Variants in TTBK2 observed in about 807,000 individuals in gnomAD.
TTBK2 encodes the protein tau tubulin kinase 2.
A neutral mutation model predicts 110.8 loss-of-function variants in TTBK2; 28 were observed. The observed-to-expected ratio is 0.25, with a 90% CI of 0.19 to 0.35. The LOEUF is 0.35. Ranked by LOEUF, TTBK2 falls within the 10% of genes least tolerant of loss-of-function variation. The pLI is 1.00. For missense variants in TTBK2, 1,369 were observed against 1,500.3 expected, an observed-to-expected ratio of 0.91 and a Z score of 1.45; for synonymous variants, 532 against 527.3, an observed-to-expected ratio of 1.01 and a Z score of -0.12.
intron 1 of TTBK2, among the ~76,000 whole-genome samples, chr15:42,899,729 C>A (rs1157980755): frequency 1.3e-5 from 2 of 150,810 alleles, no homozygotes; most frequent in African/African-American, 4.9e-5. Flanking sequence ...CAGAGCAAGA[C>A]TCCATACAAA....
chr15:42,852,907 A>G (rs2141054001), intron 3 of TTBK2, among the ~76,000 whole-genome samples: 1 of 152,364 alleles, frequency 6.6e-6, no homozygotes, highest in South Asian at 2.1e-4. Context: ...GTTAAAGGAT[A>G]GAATGAAGGG....
At chr15:42,904,652 G>A (rs1283867078) in intron 1 of TTBK2, among the ~76,000 whole-genome samples, 1 of 152,078 alleles carries the variant, frequency 6.6e-6, no homozygotes, top group Non-Finnish European at 1.5e-5. Context: ...GTGGTGAAAA[G>A]TCATTTGAAA....
Position 42,739,780 on chromosome 15 carries a change from G to A in TTBK2, c.*6015C>T, listed in dbSNP as rs577901694. The stretch of plus-strand genomic sequence containing the variant: ...CCCCTTCCTGGGTAGCTCCCTATAA[G>A]TCAAATTCAAGTTCTGGTAGCCTTG... On this transcript the variant is annotated 3_prime_UTR_variant, in exon 15 of 15. Transcript: ENST00000267890. 1.3e-3 allele frequency: 199 copies of A among 152,344 alleles called. 1 individual carries two copies. Among genetic ancestry groups the A allele is most frequent in the African/African-American group, 4.5e-3 (188 of 41,586 alleles). The allele number at this position is 152,344 out of a possible 1,614,324, so 9.4% of individuals were successfully genotyped here.
intron 10 of TTBK2, among the ~76,000 whole-genome samples, chr15:42,784,830 G>A (rs1890338706): frequency 6.6e-6 from 1 of 152,132 alleles, no homozygotes; most frequent in African/African-American, 2.4e-5. Flanking sequence ...TTTGGGAGCT[G>A]GCAGGCTCTG....
intron 6 of TTBK2, among the ~76,000 whole-genome samples, chr15:42,826,733 T>G (rs1892549948): frequency 6.6e-6 from 1 of 152,252 alleles, no homozygotes; most frequent in South Asian, 2.1e-4. Flanking sequence ...AACCTATTCT[T>G]ATTCTCGGGG....
At chr15:42,819,922 C>A (rs1892220347) in intron 6 of TTBK2, among the ~76,000 whole-genome samples, 2 of 152,130 alleles carry the variant, frequency 1.3e-5, no homozygotes, top group African/African-American at 4.8e-5. Context: ...GAATGAAAAT[C>A]TCCAGACTTA....
At chr15:42,802,329 C>A (rs762634769) in intron 9 of TTBK2, 2 of 771,286 alleles carry the variant, frequency 2.6e-6, no homozygotes. Flanking sequence ...CAGGCCCACT[C>A]GTGTAGGAGA....
At chr15:42,764,993 T>C (rs1471173049) in intron 13 of TTBK2, among the ~76,000 whole-genome samples, 1 of 152,170 alleles carries the variant, frequency 6.6e-6, no homozygotes, top group Admixed American at 6.5e-5. Flanking sequence ...GCAAACAGGG[T>C]CTGGAGTGGA....
At chr15:42,795,825 G>A (rs924373658) in intron 9 of TTBK2, among the ~76,000 whole-genome samples, 14 of 146,428 alleles carry the variant, frequency 9.6e-5, no homozygotes, top group South Asian at 2.2e-4. Flanking sequence ...CCTGGGTGAC[G>A]GAATGAGAAT....
At chr15:42,747,289 G>C (rs959713768) in intron 14 of TTBK2, among the ~76,000 whole-genome samples, 1 of 152,070 alleles carries the variant, frequency 6.6e-6, no homozygotes, top group African/African-American at 2.4e-5. Context: ...AGAATTCTTA[G>C]AGTATTCATA....
rs1194833598 is a variant in TTBK2, at chr15:42,828,000, T to C, written c.465A>G (p.Thr155=). 2.5e-6 allele frequency: 4 copies of C among 1,613,590 alleles called. No homozygotes were observed. Among genetic ancestry groups the C allele is most frequent in the Middle Eastern group, 1.7e-4 (1 of 6,056 alleles). ...AATCAAGCATGTAACATTTCCTACA[T>C]GTACTAGGAAAGCGACCCATAGCGA... ...SNFAMGRFPS[T]CRKCYMLDFG... is the part of the protein sequence containing the mutation. Residue 155 remains threonine, a synonymous_variant, in exon 6 of 15, where the codon ACA becomes ACG. Transcript: ENST00000267890.
intron 1 of TTBK2, among the ~76,000 whole-genome samples, chr15:42,900,182 G>A (rs1227109955): frequency 1.3e-5 from 2 of 151,266 alleles, no homozygotes; most frequent in East Asian, 2.0e-4. Flanking sequence ...TGGTCGAGAC[G>A]GGGTTTCACC....
chr15:42,790,902 G>C (rs1167984034), intron 10 of TTBK2, among the ~76,000 whole-genome samples: 1 of 151,906 alleles, frequency 6.6e-6, no homozygotes, highest in African/African-American at 2.4e-5. Context: ...TGTTTGTTTT[G>C]AGATGGAGTC....
At chr15:42,899,371 G>A (rs1359870029) in intron 1 of TTBK2, among the ~76,000 whole-genome samples, 2 of 151,972 alleles carry the variant, frequency 1.3e-5, no homozygotes, top group Middle Eastern at 3.2e-3. Context: ...CGGGGTAGGC[G>A]GATCACTTGA....
chr15:42,778,403 C>T (rs144300194), intron 11 of TTBK2, among the ~76,000 whole-genome samples: 98 of 152,106 alleles, frequency 6.4e-4, no homozygotes, highest in African/African-American at 2.2e-3. Context: ...TGGTGGCTCA[C>T]ATCTGTAACC....
At chr15:42,826,096 G>T (rs1892526465) in intron 6 of TTBK2, among the ~76,000 whole-genome samples, 1 of 151,954 alleles carries the variant, frequency 6.6e-6, no homozygotes, top group South Asian at 2.1e-4. Context: ...TACTTAGACA[G>T]TCCAAACAAC....
chr15:42,775,418 T>C lies in TTBK2; in HGVS notation c.1715A>G (p.His572Arg). Residue 572 changes from histidine (H) to arginine (R), a missense_variant, in exon 13 of 15, where the codon CAT (histidine) becomes CGT (arginine). By Grantham distance (29) the His-to-Arg change is conservative. Coordinates refer to ENST00000267890, the MANE Select transcript of TTBK2 (RefSeq NM_173500.4). ...QDFRTNEAVGHKTTGSPSDEE... is the reference protein window; with the variant it reads ...QDFRTNEAVGRKTTGSPSDEE... ...ATCAGAAGGACTTCCAGTTGTTTTA[T>C]GTCCTACAGCCTCATTTGTCCTAAA... 6.2e-7 allele frequency: 1 copy of C among 1,614,258 alleles called. No homozygotes were observed. The highest frequency in any genetic ancestry group is 8.5e-7 in the Non-Finnish European group (1 of 1,180,042).
intron 8 of TTBK2, 124 bp downstream of exon 8, chr15:42,811,564 G>C (rs1891721657): frequency 2.8e-6 from 2 of 722,474 alleles, no homozygotes; most frequent in African/African-American, 1.8e-5. Context: ...ACATATATTG[G>C]GACATAGTGA....
At chr15:42,787,143 G>C (rs1323600999) in intron 10 of TTBK2, among the ~76,000 whole-genome samples, 3 of 151,854 alleles carry the variant, frequency 2.0e-5, no homozygotes, top group Non-Finnish European at 4.4e-5. Context: ...TTTTTTAATA[G>C]ACTTATTGGA....
Sources: gnomAD v4.1 joint callset for allele counts (sites outside exome capture counted in the v4.1 genomes callset) on GRCh38, gnomAD v4.1.1 for gene constraint, MANE v1.5 for transcripts, NCBI Gene and HGNC (gene_info 2026-07-23, HGNC 2026-07-21) for gene names.